The following APBA2 variants were observed in gnomAD, a reference collection of about 807,000 sequenced individuals.
The protein encoded by APBA2 is amyloid-beta A4 precursor protein-binding family A member 2.
APBA2 carries 30 observed loss-of-function variants against 75.0 expected under a neutral mutation model. That is an observed-to-expected ratio of 0.40 (90% CI 0.30 to 0.54). APBA2 has a LOEUF of 0.54. APBA2 is among the 20% of genes least tolerant of loss of function. The pLI is 0.49. For synonymous variants in APBA2, 444 were observed against 409.6 expected, an observed-to-expected ratio of 1.08 and a Z score of -1.01; for missense variants, 801 against 1,016.1, an observed-to-expected ratio of 0.79 and a Z score of 2.88.
At chr15:29,083,229 C>A (rs901959594) in intron 6 of APBA2, among the ~76,000 whole-genome samples, 1 of 152,074 alleles carries the variant, frequency 6.6e-6, no homozygotes, top group Non-Finnish European at 1.5e-5. Flanking sequence ...GCCAGTTATG[C>A]CAGAACTATC....
rs544999367 is a variant in APBA2, at chr15:28,888,625, G to C, written c.-205+2347G>C. Among the ~76,000 whole-genome samples, 807 of 152,344 alleles carry C rather than the reference G, an allele frequency of 5.3e-3. 6 individuals carry two copies. Among genetic ancestry groups the C allele is most frequent in the African/African-American group, 0.019 (783 of 41,568 alleles). On this transcript the variant is annotated intron_variant, in intron 1 of 14. Transcript: ENST00000683413. The stretch of plus-strand genomic sequence containing the variant: ...CCAGGGGAGGAGAGGACTGGCGGTC[G>C]GTGGGGATCGAGACCCAGCACACAT...
intron 3 of APBA2, among the ~76,000 whole-genome samples, chr15:29,036,354 G>A (rs2040752976): frequency 6.6e-6 from 1 of 152,162 alleles, no homozygotes; most frequent in Non-Finnish European, 1.5e-5. Context: ...CAGGGAGGAT[G>A]AGCATCACCT....
intron 1 of APBA2, among the ~76,000 whole-genome samples, chr15:28,898,449 C>G (rs2152625211): frequency 6.6e-6 from 1 of 152,232 alleles, no homozygotes; most frequent in South Asian, 2.1e-4. Context: ...ATGGGGCTTG[C>G]CACGTAACGT....
chr15:29,064,840 G>C (rs2152908817), intron 4 of APBA2, among the ~76,000 whole-genome samples: 1 of 152,300 alleles, frequency 6.6e-6, no homozygotes, highest in African/African-American at 2.4e-5. Flanking sequence ...ATCTTACTGG[G>C]GAAGAAAGCA....
intron 9 of APBA2, among the ~76,000 whole-genome samples, chr15:29,100,896 G>A (rs1306327348): frequency 6.6e-6 from 1 of 152,228 alleles, no homozygotes; most frequent in African/African-American, 2.4e-5. Context: ...CCTGGGTTCT[G>A]CACAGTCCAT....
chr15:29,046,687 C>T lies in APBA2; in HGVS notation c.-40-7158C>T, dbSNP rs1247945806. On this transcript the variant is annotated intron_variant, in intron 3 of 14. Coordinates refer to ENST00000683413, the MANE Select transcript of APBA2 (RefSeq NM_001353788.2). This position sits in a 1 kb window ranked among gnomAD's most constrained non-coding sequence, Gnocchi z 5.0. ...ATCTTGGGCCATGAACCTGCACACT[C>T]TCCAGGTGGGCCTTGTGCCCACCAA... is the stretch of plus-strand genomic sequence containing the variant. Among the ~76,000 whole-genome samples, 1 of 152,240 alleles carries T rather than the reference C, an allele frequency of 6.6e-6. No homozygotes were observed. The highest frequency in any genetic ancestry group is 2.4e-5 in the African/African-American group (1 of 41,472).
chr15:29,087,077 C>T (rs1008104930), intron 6 of APBA2, among the ~76,000 whole-genome samples: 5 of 152,138 alleles, frequency 3.3e-5, no homozygotes, highest in Non-Finnish European at 1.5e-5. Context: ...TAAACCCTGG[C>T]GGTGATGCCA....
intron 6 of APBA2, among the ~76,000 whole-genome samples, chr15:29,083,483 AG>A (rs1377278709): frequency 6.6e-6 from 1 of 152,032 alleles, no homozygotes; most frequent in Non-Finnish European, 1.5e-5. Context: ...ATTTTTCCAT[AG>A]TAACTTTAAA....
intron 2 of APBA2, among the ~76,000 whole-genome samples, chr15:28,994,892 G>A (rs927179981): frequency 5.3e-5 from 8 of 152,216 alleles, no homozygotes; most frequent in Non-Finnish European, 7.3e-5. Flanking sequence ...TGAAGGGCTC[G>A]CAGCCTGGCC....
intron 3 of APBA2, among the ~76,000 whole-genome samples, chr15:29,011,866 T>A (rs1209609448): frequency 6.6e-6 from 1 of 152,230 alleles, no homozygotes; most frequent in East Asian, 1.9e-4. Context: ...TAGAATTTAT[T>A]CCTAGTAGGT....
At chr15:28,949,925 C>T (rs964456384) in intron 2 of APBA2, among the ~76,000 whole-genome samples, 2 of 152,186 alleles carry the variant, frequency 1.3e-5, no homozygotes, top group African/African-American at 4.8e-5. Context: ...GAGGAACCAA[C>T]GTGGGTCCAT....
chr15:29,025,267 T>A (rs1293235623), intron 3 of APBA2, among the ~76,000 whole-genome samples: 2 of 74,124 alleles, frequency 2.7e-5, no homozygotes, highest in Non-Finnish European at 3.9e-5. Flanking sequence ...ATTGGGATTT[T>A]TTTTTTTTTT....
chr15:29,086,142 G>A (rs900153346), intron 6 of APBA2, among the ~76,000 whole-genome samples: 1 of 152,186 alleles, frequency 6.6e-6, no homozygotes, highest in African/African-American at 2.4e-5. Flanking sequence ...AGCTAGCCTG[G>A]TGTGGTTGGC....
Position 29,105,106 on chromosome 15 carries a change from G to A in APBA2, c.1525-273G>A, listed in dbSNP as rs80201205. ...AGCTTTGACCTGGAGCATCTGGGCC[G>A]TGCCACAGCTTAGGCAGGGACAGTC... On this transcript the variant is annotated intron_variant, in intron 10 of 14. Coordinates refer to ENST00000683413, the MANE Select transcript of APBA2 (RefSeq NM_001353788.2). 6.0e-3 allele frequency among the ~76,000 whole-genome samples: 917 copies of A among 152,282 alleles called. 9 individuals are homozygous for A. Among genetic ancestry groups the A allele is most frequent in the African/African-American group, 0.02 (847 of 41,562 alleles).
intron 6 of APBA2, among the ~76,000 whole-genome samples, chr15:29,078,086 G>A (rs2042925789): frequency 6.6e-6 from 1 of 152,006 alleles, no homozygotes; most frequent in Non-Finnish European, 1.5e-5. Flanking sequence ...CATGAGGTCA[G>A]CAGATCAAGA....
chr15:28,978,659 T>G (rs1277970464), intron 2 of APBA2, among the ~76,000 whole-genome samples: 1 of 152,200 alleles, frequency 6.6e-6, no homozygotes, highest in Non-Finnish European at 1.5e-5. Context: ...GAATCACCCA[T>G]GAGGATTTTT....
At chr15:29,092,987 G>A (rs1440005133) in intron 6 of APBA2, 88 bp from the exon 7 acceptor site, 13 of 1,553,112 alleles carry the variant, frequency 8.4e-6, no homozygotes, top group East Asian at 6.7e-5. Flanking sequence ...CCTGGCTGCC[G>A]TGTTCCTTGT....
At chr15:29,041,409 A>G in intron 3 of APBA2, among the ~76,000 whole-genome samples, 1 of 151,690 alleles carries the variant, frequency 6.6e-6, no homozygotes. Context: ...CTTGATCCCC[A>G]GAGGTTGAGG....
intron 1 of APBA2, among the ~76,000 whole-genome samples, chr15:28,901,908 ATGTGTGTGTG>A (rs766260051): frequency 1.8e-4 from 12 of 67,376 alleles, no homozygotes; most frequent in African/African-American, 5.9e-4. Flanking sequence ...GGAGCTTTTG[ATGTGTGTGTG>A]TGTGTGTGTG....
Sources: allele counts gnomAD v4.1 joint callset (sites outside exome capture counted in the v4.1 genomes callset), GRCh38; gene constraint gnomAD v4.1.1; non-coding constraint Gnocchi (gnomAD v3.1); transcripts MANE v1.5; gene names NCBI Gene and HGNC (gene_info 2026-07-23, HGNC 2026-07-21).